The following PPP4R1 variants were observed in gnomAD, a reference collection of about 807,000 sequenced individuals.
PPP4R1 encodes serine/threonine-protein phosphatase 4 regulatory subunit 1.
Under a neutral mutation model 111.2 loss-of-function variants are expected in PPP4R1, and 42 were observed. That is an observed-to-expected ratio of 0.38 (90% CI 0.29 to 0.49). The LOEUF (loss-of-function observed/expected upper bound fraction) is 0.49. PPP4R1 is among the 20% of genes least tolerant of loss of function. The probability of loss-of-function intolerance (pLI) is 0.97; values close to 1 mark genes in which losing one functional copy is unlikely to be tolerated. For synonymous variants in PPP4R1, 409 were observed against 405.5 expected (o/e 1.01, Z -0.10); for missense variants, 1,012 against 1,161.6 (o/e 0.87, Z 1.87).
chr18:9,576,082 T>A (rs2066931523), intron 10 of PPP4R1, among the ~76,000 whole-genome samples: 1 of 152,090 alleles, frequency 6.6e-6, no homozygotes, highest in Non-Finnish European at 1.5e-5. Context: ...AAACAGTACC[T>A]CAGGTTTGTT....
chr18:9,547,800 A>G lies in PPP4R1; in HGVS notation c.2842T>C (p.Ser948Pro). ...GAGATTCAAGCCTTCTAGTAGGTTG[A>G]GGACGCTGTGCTCATGGCATCTTCG... The part of the protein sequence containing the change: ...ISEDAMSTAS[S>P]TY The change falls in exon 20 of 20, where the codon TCA (serine) becomes CCA (proline). Residue 948 changes from serine (S) to proline (P), a missense_variant. This residue lies in a region of PPP4R1 where 305 missense variants were observed against 419.5 expected (regional missense o/e 0.73). Transcript: ENST00000400556. 1 of 1,613,062 alleles carries G rather than the reference A, an allele frequency of 6.2e-7. No individual in the cohort carries two copies. Among genetic ancestry groups the G allele is most frequent in the South Asian group, 1.1e-5 (1 of 91,026 alleles).
intron 3 of PPP4R1, 136 bp downstream of exon 3, chr18:9,594,882 A>T: frequency 9.4e-6 from 10 of 1,065,276 alleles, no homozygotes; most frequent in Non-Finnish European, 1.2e-5. Flanking sequence ...TCATGCTGTG[A>T]TTATGAATAA....
Position 9,550,289 on chromosome 18 carries a change from A to C in PPP4R1, c.2401T>G (p.Ser801Ala). The C allele has an allele frequency of 6.2e-7, 1 of 1,614,094 alleles. No individual in the cohort carries two copies. Among genetic ancestry groups the C allele is most frequent in the Middle Eastern group, 1.6e-4 (1 of 6,062 alleles). ...AGTTCAATACATACCAACTTGTAGG[A>C]AATCCAACGAACAGAAGAAACTTTG... is the stretch of plus-strand genomic sequence containing the variant. ...ADKVSSVRWISYKLVSEMVKK... is the reference protein window; with the variant it reads ...ADKVSSVRWIAYKLVSEMVKK... Residue 801 changes from serine to alanine, a missense_variant, in exon 17 of 20, where the codon TCC becomes GCC. Transcript: ENST00000400556.
intron 2 of PPP4R1, among the ~76,000 whole-genome samples, chr18:9,609,157 C>T (rs941612450): frequency 6.6e-6 from 1 of 152,190 alleles, no homozygotes; most frequent in Non-Finnish European, 1.5e-5. Context: ...TTTAAAAGCA[C>T]TCTTTTCTAA....
intron 2 of PPP4R1, among the ~76,000 whole-genome samples, chr18:9,607,859 T>C (rs2145346657): frequency 6.7e-6 from 1 of 150,238 alleles, no homozygotes; most frequent in East Asian, 2.0e-4. Context: ...CTCGGCTCAC[T>C]GCAACCTCTG....
At chr18:9,559,062 T>G (rs988176225) in intron 14 of PPP4R1, among the ~76,000 whole-genome samples, 12 of 152,318 alleles carry the variant, frequency 7.9e-5, no homozygotes, top group Middle Eastern at 3.4e-3. Context: ...AGATCTACTG[T>G]GCAAATCAAA....
intron 10 of PPP4R1, among the ~76,000 whole-genome samples, chr18:9,575,869 A>AT (rs1390776916): frequency 1.3e-5 from 2 of 152,214 alleles, no homozygotes; most frequent in Non-Finnish European, 2.9e-5. Flanking sequence ...CCCATTTCAG[A>AT]TTTTAAAACA....
intron 11 of PPP4R1, among the ~76,000 whole-genome samples, chr18:9,565,335 T>G (rs963224876): frequency 7.2e-5 from 11 of 152,188 alleles, no homozygotes; most frequent in African/African-American, 2.7e-4. Flanking sequence ...TCCCTGAGAC[T>G]CAACAATATT....
chr18:9,555,190 A>T (rs1443790059), intron 15 of PPP4R1, among the ~76,000 whole-genome samples: 1 of 152,032 alleles, frequency 6.6e-6, no homozygotes, highest in Non-Finnish European at 1.5e-5. Flanking sequence ...GGCCCCAGCT[A>T]CTCAGGAGGC....
At position 9,577,164 on chromosome 18, in the gene PPP4R1, C is replaced by T; in HGVS notation, c.946G>A (p.Gly316Arg). ...WVRQAAFQSL[G>R]PFISTFANPS... ...TTAGCAAAAGTAGATATGAAAGGTC[C>T]CAGAGACTGAAAAGCTGCTTGGCGA... The change falls in exon 10 of 20, where the codon GGA becomes AGA. Residue 316 changes from glycine (G) to arginine (R), a missense_variant. Gly to Arg is a moderately radical substitution (Grantham distance 125). Transcript: ENST00000400556. 6.2e-7 allele frequency: 1 copy of T among 1,606,724 alleles called. No homozygotes were observed.
intron 2 of PPP4R1, among the ~76,000 whole-genome samples, chr18:9,597,129 C>T (rs972001681): frequency 6.6e-6 from 1 of 152,092 alleles, no homozygotes; most frequent in Non-Finnish European, 1.5e-5. Flanking sequence ...CTGAGAAACA[C>T]AGTGAGACCC....
chr18:9,598,978 A>G (rs1301553479), intron 2 of PPP4R1, among the ~76,000 whole-genome samples: 1 of 152,100 alleles, frequency 6.6e-6, no homozygotes, highest in African/African-American at 2.4e-5. Context: ...GTGACCTGAG[A>G]TGGCACCACT....
chr18:9,549,519 A>G (rs997983650), intron 18 of PPP4R1, among the ~76,000 whole-genome samples, 181 bp from the exon 19 acceptor site: 2 of 152,248 alleles, frequency 1.3e-5, no homozygotes, highest in Non-Finnish European at 2.9e-5. Flanking sequence ...ACACGGACAG[A>G]CACAGTTTTT....
chr18:9,549,188 A>T lies in PPP4R1; in HGVS notation c.2689+9T>A. 6.2e-7 allele frequency: 1 copy of T among 1,609,916 alleles called. No individual in the cohort carries two copies. Among genetic ancestry groups the T allele is most frequent in the Non-Finnish European group, 8.5e-7 (1 of 1,176,344 alleles). On this transcript the variant is annotated intron_variant, in intron 19 of 19. Transcript: ENST00000400556. ...CTCACACGCTTCTTCTAGTGGAGTCACTACCTACCTTTTTCTAGTAGAGTT... is the reference window on the plus strand; with the variant it reads ...CTCACACGCTTCTTCTAGTGGAGTCTCTACCTACCTTTTTCTAGTAGAGTT...
chr18:9,553,876 A>C (rs1217530503), intron 15 of PPP4R1, among the ~76,000 whole-genome samples: 1 of 152,226 alleles, frequency 6.6e-6, no homozygotes, highest in Non-Finnish European at 1.5e-5. Context: ...GCTGCTCTAT[A>C]AATATTTAAA....
intron 15 of PPP4R1, among the ~76,000 whole-genome samples, chr18:9,554,043 G>A (rs915703526): frequency 6.6e-6 from 1 of 152,064 alleles, no homozygotes; most frequent in African/African-American, 2.4e-5. Flanking sequence ...TGAATATTAT[G>A]TAGTTGATTT....
rs2066410003 is a variant in PPP4R1, at chr18:9,546,877, C to A, written c.*912G>T. On this transcript the variant is annotated 3_prime_UTR_variant, in exon 20 of 20. Transcript: ENST00000400556. ...ACAAATTGCATTTATTGGTAGACAT[C>A]TAGAAAACAATCAAAAGTGTATATA... is the stretch of plus-strand genomic sequence containing the variant. 6.6e-6 allele frequency: 1 copy of A among 152,184 alleles called. No homozygotes were observed. The allele number at this position is 152,184 out of a possible 1,614,324, so 9.4% of individuals were successfully genotyped here. A position where few individuals can be genotyped will look rare whatever the true frequency, so the allele number is the denominator to read the frequency against.
intron 8 of PPP4R1, among the ~76,000 whole-genome samples, chr18:9,584,292 C>T (rs1190157033): frequency 6.6e-6 from 1 of 152,098 alleles, no homozygotes; most frequent in African/African-American, 2.4e-5. Flanking sequence ...GAGGTGAAAA[C>T]AGATCAATGG....
At chr18:9,607,165 C>T (rs1366025733) in intron 2 of PPP4R1, among the ~76,000 whole-genome samples, 1 of 151,992 alleles carries the variant, frequency 6.6e-6, no homozygotes, top group Non-Finnish European at 1.5e-5. Flanking sequence ...TCAAGGCCAG[C>T]CTAGACAACA....
Sources: gnomAD v4.1 joint callset for allele counts (sites outside exome capture counted in the v4.1 genomes callset) on GRCh38, gnomAD v4.1.1 for gene constraint, gnomAD v4.1.1 regional missense constraint, MANE v1.5 for transcripts, NCBI Gene and HGNC (gene_info 2026-07-23, HGNC 2026-07-21) for gene names.